The following FBRSL1 variants were observed in gnomAD, a reference collection of about 807,000 sequenced individuals.
The protein encoded by FBRSL1 is fibrosin like 1.
Under a neutral mutation model 89.6 loss-of-function variants are expected in FBRSL1, and 51 were observed. That is an observed-to-expected ratio of 0.57 (90% CI 0.45 to 0.72). The LOEUF (loss-of-function observed/expected upper bound fraction) is 0.72. FBRSL1 is among the 30% of genes least tolerant of loss of function. The pLI, the probability that FBRSL1 is intolerant of heterozygous loss-of-function variation, is 0.00. For missense variants in FBRSL1, 1,618 were observed against 1,451.8 expected (o/e 1.11, Z -1.86); for synonymous variants, 779 against 681.1 (o/e 1.14, Z -2.24).
At position 132,546,917 on chromosome 12, in the gene FBRSL1, G is replaced by T. The variant is rs1424333616; in HGVS notation, c.616-1086G>T. On this transcript the variant is annotated intron_variant, in intron 4 of 18. Coordinates refer to ENST00000680143, the MANE Select transcript of FBRSL1 (RefSeq NM_001367871.1). This position sits in a 1 kb window ranked among gnomAD's most constrained non-coding sequence, Gnocchi z 4.0. ...GCGGCTGCACATGGAGGGTGGCTGT[G>T]CGTTTGGTTCCCTGCATTAACCCAG... Among the ~76,000 whole-genome samples the T allele has an allele frequency of 6.6e-6, 1 of 152,258 alleles. No homozygotes were observed. Among genetic ancestry groups the T allele is most frequent in the Non-Finnish European group, 1.5e-5 (1 of 68,048 alleles).
At position 132,520,694 on chromosome 12, in the gene FBRSL1, G is replaced by T. The variant is rs79774229; in HGVS notation, c.490-5040G>T. 4.4e-3 allele frequency among the ~76,000 whole-genome samples: 663 copies of T among 152,342 alleles called. 7 individuals are homozygous for T. The highest frequency in any genetic ancestry group is 0.015 in the African/African-American group (617 of 41,586). On this transcript the variant is annotated intron_variant, in intron 2 of 18. Coordinates refer to ENST00000680143, the MANE Select transcript of FBRSL1 (RefSeq NM_001367871.1). ...CTGCAAGTCCCTGTGGCCTGGGCAG[G>T]TTCGGGACAGAGGGGCCCCAGAGTC... is the stretch of plus-strand genomic sequence containing the variant.
chr12:132,580,343 C>T (rs915532018), intron 15 of FBRSL1, among the ~76,000 whole-genome samples: 1 of 152,204 alleles, frequency 6.6e-6, no homozygotes, highest in Non-Finnish European at 1.5e-5. Flanking sequence ...CTGCCTCGGC[C>T]TCCCAAAGTG....
rs567631548 is a variant in FBRSL1 at position 132,499,294 on chromosome 12, G to A, written c.291+8433G>A. 5.7e-5 allele frequency among the ~76,000 whole-genome samples: 8 copies of A among 141,120 alleles called. No individual in the cohort carries two copies. Among genetic ancestry groups the A allele is most frequent in the Admixed American group, 2.1e-4 (3 of 14,316 alleles). The allele number at this position is 141,120 out of a possible 152,430, so 92.6% of individuals were successfully genotyped here. ...GCCAGGTGAGCCGCTGGCCAGCAGG[G>A]AAGGGCCAGCCAGGCAGGGGTGGTG... On this transcript the variant is annotated intron_variant, in intron 1 of 18. Transcript: ENST00000680143. This position sits in a 1 kb window ranked among gnomAD's most constrained non-coding sequence, Gnocchi z 4.3.
chr12:132,496,333 C>T (rs1437794199), intron 1 of FBRSL1, among the ~76,000 whole-genome samples: 1 of 152,212 alleles, frequency 6.6e-6, no homozygotes, highest in Non-Finnish European at 1.5e-5. Flanking sequence ...AGAGAAGTGC[C>T]CAGAACTGGC....
At chr12:132,534,882 G>A (rs374194602) in intron 4 of FBRSL1, among the ~76,000 whole-genome samples, 1 of 152,238 alleles carries the variant, frequency 6.6e-6, no homozygotes, top group South Asian at 2.1e-4. Flanking sequence ...CTGGCCTGGA[G>A]GGGCCTCATG....
At chr12:132,512,508 A>G (rs978061019) in intron 2 of FBRSL1, among the ~76,000 whole-genome samples, 14 of 152,226 alleles carry the variant, frequency 9.2e-5, no homozygotes, top group African/African-American at 3.1e-4. Context: ...AGTCACCCAC[A>G]CAAGCCATTG....
intron 2 of FBRSL1, among the ~76,000 whole-genome samples, chr12:132,516,504 C>A (rs1176422986): frequency 6.6e-6 from 1 of 152,186 alleles, no homozygotes; most frequent in South Asian, 2.1e-4. Flanking sequence ...AAGAGTCTTA[C>A]ATCTGTTAGA....
At chr12:132,578,218 G>T (rs1399722080) in intron 15 of FBRSL1, among the ~76,000 whole-genome samples, 1 of 152,128 alleles carries the variant, frequency 6.6e-6, no homozygotes, top group African/African-American at 2.4e-5. Flanking sequence ...GGTGGCGCAC[G>T]CCCGTGGTCC....
chr12:132,520,636 G>T (rs1215468403), intron 2 of FBRSL1, among the ~76,000 whole-genome samples: 1 of 152,224 alleles, frequency 6.6e-6, no homozygotes, highest in Non-Finnish European at 1.5e-5. Flanking sequence ...GCAGGGGACT[G>T]TGGTAGGGCT....
chr12:132,547,969 GC>G, intron 4 of FBRSL1, 33 bp from the exon 5 acceptor site: 1 of 1,549,376 alleles, frequency 6.5e-7, no homozygotes, highest in African/African-American at 1.4e-5. Flanking sequence ...GGTTGGTGGG[GC>G]CCCGACTCAC....
rs866176175 is a variant in FBRSL1, at chr12:132,572,468, A to T, written c.1435-59A>T. 4.3e-5 allele frequency: 65 copies of T among 1,499,434 alleles called. No individual in the cohort carries two copies. In the African/African-American group the frequency reaches 8.6e-4, roughly 20 times the overall value. The allele number at this position is 1,499,434 out of a possible 1,614,324, so 92.9% of individuals were successfully genotyped here. A position where few individuals can be genotyped will look rare whatever the true frequency, so the allele number is the denominator to read the frequency against. ...TGCATTGGTGCCACCTTCTGGTTAC[A>T]GGCAGAGGGTGGGGTGAGGACTTGG... On this transcript the variant is annotated intron_variant, in intron 10 of 18. Coordinates refer to ENST00000680143, the MANE Select transcript of FBRSL1 (RefSeq NM_001367871.1).
At chr12:132,582,930 CG>C in intron 18 of FBRSL1, 40 bp from the exon 19 acceptor site, 10 of 1,348,130 alleles carry the variant, frequency 7.4e-6, no homozygotes, top group Non-Finnish European at 8.6e-6. Context: ...CGCGGCAGGA[CG>C]GAGGTCTCGG....
At position 132,555,443 on chromosome 12, in the gene FBRSL1, G is replaced by C. The variant is rs12821784; in HGVS notation, c.645+7411G>C. Among the ~76,000 whole-genome samples the C allele has an allele frequency of 7.2e-3, 272 of 37,812 alleles. 49 individuals carry two copies. The highest frequency in any genetic ancestry group is 0.023 in the African/African-American group (154 of 6,660). The allele number at this position is 37,812 out of a possible 152,430, so 24.8% of individuals were successfully genotyped here. On this transcript the variant is annotated intron_variant, in intron 5 of 18. Coordinates refer to ENST00000680143, the MANE Select transcript of FBRSL1 (RefSeq NM_001367871.1). ...TGAGCATGGCCTCCACGGTAGCTGC[G>C]CCACCGGAGCGTGAGCGTGGCCTCC...
intron 5 of FBRSL1, among the ~76,000 whole-genome samples, chr12:132,563,015 G>A (rs1261080273): frequency 1.4e-5 from 2 of 140,428 alleles, no homozygotes; most frequent in Non-Finnish European, 3.1e-5. Flanking sequence ...CCCCACACCT[G>A]GCCCCCACAG....
At chr12:132,505,091 A>C (rs1461939389) in intron 1 of FBRSL1, among the ~76,000 whole-genome samples, 1 of 151,994 alleles carries the variant, frequency 6.6e-6, no homozygotes, top group Non-Finnish European at 1.5e-5. Flanking sequence ...GTGCCACTGC[A>C]CTCCAGCCTG....
chr12:132,535,982 TGA>T (rs1262663939), intron 4 of FBRSL1, among the ~76,000 whole-genome samples: 1 of 151,832 alleles, frequency 6.6e-6, no homozygotes, highest in Non-Finnish European at 1.5e-5. Flanking sequence ...CATGATGGTG[TGA>T]GTGCACGTGT....
rs1464544604 is a variant in FBRSL1 at position 132,546,340 on chromosome 12, G to A, written c.616-1663G>A. Among the ~76,000 whole-genome samples, 1 of 152,274 alleles carries A rather than the reference G, an allele frequency of 6.6e-6. No individual in the cohort carries two copies. The highest frequency in any genetic ancestry group is 1.5e-5 in the Non-Finnish European group (1 of 68,050). On this transcript the variant is annotated intron_variant, in intron 4 of 18. Coordinates refer to ENST00000680143, the MANE Select transcript of FBRSL1 (RefSeq NM_001367871.1). The surrounding 1 kb of genome is among the most constrained non-coding windows in gnomAD (Gnocchi z 4.0). ...GCCCTTGGTGAGCTCCGCACCTGCA[G>A]CCTCCGGGGCGGGATGGGCCCGGTT...
chr12:132,543,227 G>A (rs1472069828), intron 4 of FBRSL1, among the ~76,000 whole-genome samples: 4 of 152,232 alleles, frequency 2.6e-5, no homozygotes, highest in South Asian at 2.1e-4. Flanking sequence ...TGCCTCCTCC[G>A]ACTCAGAAGC....
chr12:132,521,200 C>G (rs908998952), intron 2 of FBRSL1, among the ~76,000 whole-genome samples: 1 of 152,234 alleles, frequency 6.6e-6, no homozygotes, highest in Admixed American at 6.5e-5. Flanking sequence ...GTTCTAGGGG[C>G]TCAGCTCCTT....
Sources: gnomAD v4.1 joint callset for allele counts (sites outside exome capture counted in the v4.1 genomes callset) on GRCh38, gnomAD v4.1.1 for gene constraint, Gnocchi (gnomAD v3.1) non-coding constraint, MANE v1.5 for transcripts, NCBI Gene and HGNC (gene_info 2026-07-23, HGNC 2026-07-21) for gene names.